Variants in PFKFB3 observed in about 807,000 individuals in gnomAD.
PFKFB3 encodes 6-phosphofructo-2-kinase/fructose-2,6-biphosphatase 3.
PFKFB3 carries 33 observed loss-of-function variants against 68.0 expected under a neutral mutation model. The ratio of observed to expected loss-of-function variants is 0.49; its 90% CI spans 0.37 to 0.65. PFKFB3 has a LOEUF of 0.65. Ranked by LOEUF, PFKFB3 falls within the 30% of genes least tolerant of loss-of-function variation. PFKFB3 has a pLI of 0.00. For missense variants in PFKFB3, 586 were observed against 712.2 expected, an observed-to-expected ratio of 0.82 and a Z score of 2.02; for synonymous variants, 315 against 288.2, an observed-to-expected ratio of 1.09 and a Z score of -0.94.
At chr10:6,288,617 G>C in the PFKFB3 span, among the ~76,000 whole-genome samples, 1 of 151,448 alleles carries the variant, frequency 6.6e-6, no homozygotes. Flanking sequence ...TGGACATTTG[G>C]GTTGGTTCCA....
chr10:6,259,542 T>TCATCCATCCGCTCATCCATC (rs1846521203), downstream of PFKFB3, among the ~76,000 whole-genome samples: 2 of 137,982 alleles, frequency 1.4e-5, no homozygotes, highest in Non-Finnish European at 3.1e-5. Context: ...ATCCATCTGC[T>TCATCCATCCGCTCATCCATC]CATCCATCCA....
chr10:6,243,748 T>G (rs956709269), intron 14 of PFKFB3, among the ~76,000 whole-genome samples: 11 of 152,216 alleles, frequency 7.2e-5, no homozygotes, highest in Non-Finnish European at 1.0e-4. Context: ...TCTGAGACAG[T>G]GTCTTGCTAG....
At chr10:6,238,882 C>T (rs1221463594), downstream of PFKFB3, among the ~76,000 whole-genome samples, 2 of 152,164 alleles carry the variant, frequency 1.3e-5, no homozygotes, top group South Asian at 2.1e-4. Flanking sequence ...TTCTATGTCC[C>T]TGCAAAGGAT....
At chr10:6,161,706 T>C (rs1228711575) in intron 1 of PFKFB3, among the ~76,000 whole-genome samples, 1 of 151,866 alleles carries the variant, frequency 6.6e-6, no homozygotes, top group Non-Finnish European at 1.5e-5. Flanking sequence ...CATCAGGACT[T>C]GCTGTTGTCT....
the PFKFB3 span, among the ~76,000 whole-genome samples, chr10:6,303,585 C>T: frequency 2.0e-5 from 3 of 151,970 alleles, no homozygotes; most frequent in East Asian, 1.9e-4. Flanking sequence ...GAGGCCGAGG[C>T]GGGTGGATTA....
chr10:6,216,823 A>G, intron 5 of PFKFB3, 43 bp downstream of exon 5: 1 of 1,450,930 alleles, frequency 6.9e-7, no homozygotes, highest in Non-Finnish European at 9.7e-7. Flanking sequence ...CTCGGGAGAG[A>G]GGAAAAGGCT....
At chr10:6,270,871 C>T in the PFKFB3 span, among the ~76,000 whole-genome samples, 1 of 152,188 alleles carries the variant, frequency 6.6e-6, no homozygotes, top group African/African-American at 2.4e-5. Context: ...TGACTCAGCA[C>T]TCTCTTCCCA....
At chr10:6,168,302 G>A (rs1332459566) in intron 1 of PFKFB3, among the ~76,000 whole-genome samples, 1 of 152,190 alleles carries the variant, frequency 6.6e-6, no homozygotes, top group East Asian at 1.9e-4. Context: ...TTCATCAGCT[G>A]TCCTAGAATG....
In PFKFB3 at chr10:6,210,560, A is replaced by T. The variant is rs7894984; in HGVS notation, c.77-3063A>T. On this transcript the variant is annotated intron_variant, in intron 1 of 14. Coordinates refer to ENST00000379775, the MANE Select transcript of PFKFB3 (RefSeq NM_004566.4). Reference sequence around the variant, plus strand: ...TGTTTTTAATAGACGGGGTTTCGCCATGTTAGCCAGGATAGTCTTGATAGT... The same window carrying T: ...TGTTTTTAATAGACGGGGTTTCGCCTTGTTAGCCAGGATAGTCTTGATAGT... Among the ~76,000 whole-genome samples the T allele has an allele frequency of 2.1e-3, 173 of 80,926 alleles. 19 individuals are homozygous for T. Among genetic ancestry groups the T allele is most frequent in the Admixed American group, 3.7e-3 (27 of 7,386 alleles). 53.1% of individuals were successfully genotyped at this position (80,926 alleles called of 152,430 possible). A position where few individuals can be genotyped will look rare whatever the true frequency, so the allele number is the denominator to read the frequency against.
chr10:6,305,892 C>T, the PFKFB3 span, among the ~76,000 whole-genome samples: 1 of 152,174 alleles, frequency 6.6e-6, no homozygotes, highest in Admixed American at 6.5e-5. Context: ...GGAAATCTGC[C>T]TGGAACCTGG....
chr10:6,292,430 G>A, the PFKFB3 span, among the ~76,000 whole-genome samples: 24 of 150,180 alleles, frequency 1.6e-4, no homozygotes, highest in African/African-American at 2.5e-4. Context: ...GACTACAGGC[G>A]CCCACCACCA....
chr10:6,232,796 G>T, intron 14 of PFKFB3, 99 bp from the exon 15 acceptor site: 1 of 914,786 alleles, frequency 1.1e-6, no homozygotes. Flanking sequence ...ATGGAGGGAG[G>T]GAAGAATTCT....
At chr10:6,213,774 C>T (rs202027085) in intron 2 of PFKFB3, 26 bp downstream of exon 2, 42 of 1,605,606 alleles carry the variant, frequency 2.6e-5, no homozygotes, top group Non-Finnish European at 3.0e-5. Flanking sequence ...GAGGCCGGAC[C>T]CCTGCTCGTG....
intron 1 of PFKFB3, among the ~76,000 whole-genome samples, chr10:6,194,838 G>A (rs1006817212): frequency 6.6e-6 from 1 of 152,008 alleles, no homozygotes; most frequent in Non-Finnish European, 1.5e-5. Context: ...CTCTTCTCAT[G>A]GCAAGGATGG....
the PFKFB3 span, among the ~76,000 whole-genome samples, chr10:6,306,734 TGCAAAGGAGAGCAG>T: frequency 5.3e-5 from 8 of 152,138 alleles, no homozygotes; most frequent in Non-Finnish European, 1.0e-4. Flanking sequence ...TCCTGGGCCC[TGCAAAGGAGAGCAG>T]GTCTCAGGGA....
Position 6,252,842 on chromosome 10 carries a change from T to C in PFKFB3, c.1516-1336T>C, listed in dbSNP as rs11257578. Among the ~76,000 whole-genome samples the C allele has an allele frequency of 0.016, 2,433 of 152,292 alleles. 111 individuals are homozygous for C. In the South Asian group the frequency reaches 0.17, roughly 10 times the overall value. ...ATAGCACACTGTTAATAGAGGTAAATAGTTTTTTAGAAGTAGGGGAGAGGG... is the reference window on the plus strand; with the variant it reads ...ATAGCACACTGTTAATAGAGGTAAACAGTTTTTTAGAAGTAGGGGAGAGGG... On this transcript the variant is annotated intron_variant, in intron 14 of 14. Coordinates refer to the PFKFB3 transcript ENST00000640683.
At chr10:6,227,755 CCTT>C (rs1206191065) in intron 14 of PFKFB3, among the ~76,000 whole-genome samples, 2 of 152,214 alleles carry the variant, frequency 1.3e-5, no homozygotes, top group Non-Finnish European at 2.9e-5. Flanking sequence ...CCCTCAGTCT[CCTT>C]AGCTTTGCAC....
At chr10:6,279,427 T>C in the PFKFB3 span, among the ~76,000 whole-genome samples, 1 of 152,232 alleles carries the variant, frequency 6.6e-6, no homozygotes, top group East Asian at 1.9e-4. Context: ...TCTGCTCTTA[T>C]AAAAATGGGC....
Position 6,203,317 on chromosome 10 carries a change from C to T in PFKFB3, c.57C>T (p.His19=), listed in dbSNP as rs761887123. Residue 19 remains histidine (H), a synonymous_variant, in exon 1 of 15, where the codon CAC becomes CAT. Transcript: ENST00000379775. ...RVQKIWVPVD[H]RPSLPRSCGP... ...AGAAGATCTGGGTGCCCGTGGACCA[C>T]AGGCCCTCGTTGCCCAGATGTGAGT... is the stretch of plus-strand genomic sequence containing the variant. The T allele has an allele frequency of 1.2e-6, 2 of 1,609,884 alleles. No individual in the cohort carries two copies. Among genetic ancestry groups the T allele is most frequent in the South Asian group, 1.1e-5 (1 of 90,414 alleles).
Sources: allele counts gnomAD v4.1 joint callset (sites outside exome capture counted in the v4.1 genomes callset), GRCh38; gene constraint gnomAD v4.1.1; transcripts MANE v1.5; gene names NCBI Gene and HGNC (gene_info 2026-07-23, HGNC 2026-07-21).